ANXA7: variants seen among roughly 807,000 people sequenced by gnomAD.
ANXA7 encodes annexin A7.
ANXA7 carries 55 observed loss-of-function variants against 64.9 expected under a neutral mutation model. That is an observed-to-expected ratio of 0.85 (90% confidence interval 0.68 to 1.06). The LOEUF (loss-of-function observed/expected upper bound fraction) is 1.06, where lower values mean the gene tolerates loss of function less well. ANXA7 is among the 50% of genes least tolerant of loss of function. The pLI is 0.00. For missense variants in ANXA7, 548 were observed against 582.1 expected, an observed-to-expected ratio of 0.94 and a Z score of 0.60; for synonymous variants, 200 against 192.4, an observed-to-expected ratio of 1.04 and a Z score of -0.33.
intron 9 of ANXA7, 84 bp downstream of exon 9, chr10:73,383,091 A>T: frequency 7.8e-7 from 1 of 1,286,200 alleles, no homozygotes; most frequent in Non-Finnish European, 1.1e-6. Context: ...GCTAAATATT[A>T]AAAGGAATAA....
At chr10:73,393,035 A>G (rs1379519177) in intron 5 of ANXA7, among the ~76,000 whole-genome samples, 2 of 152,216 alleles carry the variant, frequency 1.3e-5, no homozygotes, top group Admixed American at 6.5e-5. Flanking sequence ...TGCAAAAATC[A>G]CAAGCATTCC....
intron 5 of ANXA7, among the ~76,000 whole-genome samples, chr10:73,390,996 C>T (rs1332584105): frequency 6.7e-6 from 1 of 149,854 alleles, no homozygotes; most frequent in Non-Finnish European, 1.5e-5. Context: ...ATGGTGAAAC[C>T]CTGTCTCTAC....
intron 1 of ANXA7, among the ~76,000 whole-genome samples, chr10:73,405,296 C>T (rs2055737683): frequency 6.7e-6 from 1 of 149,470 alleles, no homozygotes; most frequent in African/African-American, 2.5e-5. Flanking sequence ...ACACCCAGCA[C>T]TTTGGGAGGC....
At position 73,398,297 on chromosome 10, in the gene ANXA7, T is replaced by C; in HGVS notation, c.143A>G (p.Gln48Arg). 6.2e-7 allele frequency: 1 copy of C among 1,614,108 alleles called. No individual in the cohort carries two copies. Among genetic ancestry groups the C allele is most frequent in the Non-Finnish European group, 8.5e-7 (1 of 1,180,004 alleles). ...TCCTGGGTAGCCACTACTTGGCACT[T>C]GTGGGTAGGCACCTCCTCCCATTGG... ...FPPMGGGAYPQVPSSGYPGAG... is the reference protein window; with the variant it reads ...FPPMGGGAYPRVPSSGYPGAG... The change falls in exon 3 of 13, where the codon CAA (glutamine) becomes CGA (arginine). Residue 48 changes from glutamine (Q) to arginine (R), a missense_variant. Gln to Arg is a conservative substitution (Grantham distance 43). Transcript: ENST00000372921.
chr10:73,383,566 T>A lies in ANXA7; in HGVS notation c.747+11A>T. On this transcript the variant is annotated intron_variant, in intron 8 of 12. Transcript: ENST00000372921. ...GACAAAATATTCATAATAAATGACA[T>A]ATAGTAGTACCTGCATTGCTTTCCG... 4 of 1,569,994 alleles carry A rather than the reference T, an allele frequency of 2.5e-6. No individual in the cohort carries two copies. The highest frequency in any genetic ancestry group is 3.5e-6 in the Non-Finnish European group (4 of 1,140,496).
Position 73,383,212 on chromosome 10 carries a change from G to A in ANXA7, c.881C>T (p.Ser294Leu), listed in dbSNP as rs2055302825. Residue 294 changes from serine to leucine, a missense_variant, in exon 9 of 13, where the codon TCA (serine) becomes TTA (leucine). Physicochemically the swap from Ser to Leu is moderately radical, Grantham distance 145. Coordinates refer to ENST00000372921, the MANE Select transcript of ANXA7 (RefSeq NM_001156.5). ...CACAAGTAAACGTTCAAAATGTCCT[G>A]ATGTATCTGACCTAATGTCCTTTTC... ...DLEKDIRSDT[S>L]GHFERLLVSM... 6.2e-7 allele frequency: 1 copy of A among 1,614,012 alleles called. No homozygotes were observed. The highest frequency in any genetic ancestry group is 8.5e-7 in the Non-Finnish European group (1 of 1,179,950).
At chr10:73,394,201 T>A (rs1347678913) in intron 5 of ANXA7, among the ~76,000 whole-genome samples, 1 of 152,192 alleles carries the variant, frequency 6.6e-6, no homozygotes, top group African/African-American at 2.4e-5. Context: ...CATTAAAAAG[T>A]CAGCAAACAA....
At chr10:73,399,081 C>T (rs1435807319) in intron 2 of ANXA7, among the ~76,000 whole-genome samples, 1 of 152,126 alleles carries the variant, frequency 6.6e-6, no homozygotes, top group Non-Finnish European at 1.5e-5. Context: ...ATCCTCCATG[C>T]TCTCTCTCTT....
intron 1 of ANXA7, 117 bp from the exon 2 acceptor site, chr10:73,400,974 T>C (rs1382347166): frequency 5.5e-6 from 4 of 725,848 alleles, no homozygotes; most frequent in Non-Finnish European, 8.3e-6. Context: ...TGGCGTGATT[T>C]TGGCTCACTG....
At chr10:73,401,842 G>A (rs2132691585) in intron 1 of ANXA7, among the ~76,000 whole-genome samples, 1 of 152,276 alleles carries the variant, frequency 6.6e-6, no homozygotes, top group East Asian at 1.9e-4. Flanking sequence ...CTCACCAGAT[G>A]CCAGCACCTT....
chr10:73,412,070 C>T (rs531309356), intron 1 of ANXA7, among the ~76,000 whole-genome samples: 10 of 152,010 alleles, frequency 6.6e-5, no homozygotes, highest in Non-Finnish European at 1.3e-4. Flanking sequence ...TGGAGTCTCG[C>T]TCTGTTGCCA....
At chr10:73,393,994 A>C (rs1436944018) in intron 5 of ANXA7, among the ~76,000 whole-genome samples, 1 of 152,232 alleles carries the variant, frequency 6.6e-6, no homozygotes, top group Non-Finnish European at 1.5e-5. Context: ...ATCTACAAAG[A>C]ACTTAAACAA....
Position 73,383,685 on chromosome 10 carries a change from T to G in ANXA7, c.639A>C (p.Leu213Phe), listed in dbSNP as rs758689567. The G allele has an allele frequency of 6.3e-7, 1 of 1,598,970 alleles. No individual in the cohort carries two copies. The highest frequency in any genetic ancestry group is 1.7e-5 in the Admixed American group (1 of 59,938). ...TTAACTCTGATTTGAGATCTTTGAT[T>G]AAATCCTATTTAATCACAAATACAA... is the stretch of plus-strand genomic sequence containing the variant. Reference protein sequence around the residue: ...AAFKTSYGKDLIKDLKSELSG... With the variant: ...AAFKTSYGKDFIKDLKSELSG... Residue 213 changes from leucine to phenylalanine, a missense_variant, in exon 8 of 13, where the codon TTA becomes TTC. Physicochemically the swap from Leu to Phe is conservative, Grantham distance 22. Coordinates refer to ENST00000372921, the MANE Select transcript of ANXA7 (RefSeq NM_001156.5).
chr10:73,412,795 C>CTTTT (rs55814659), intron 1 of ANXA7, among the ~76,000 whole-genome samples: 1 of 131,626 alleles, frequency 7.6e-6, no homozygotes, highest in Admixed American at 7.7e-5. Context: ...CGCGCTCGGG[C>CTTTT]TTTTTTTTTT....
At chr10:73,387,662 T>C in intron 7 of ANXA7, 27 bp downstream of exon 7, 17 of 1,546,366 alleles carry the variant, frequency 1.1e-5, no homozygotes, top group Non-Finnish European at 1.5e-5. Context: ...CCACTGCTGG[T>C]GCTCATTCCA....
At chr10:73,382,256 A>T (rs889314143) in intron 9 of ANXA7, among the ~76,000 whole-genome samples, 7 of 152,320 alleles carry the variant, frequency 4.6e-5, no homozygotes, top group Admixed American at 4.6e-4. Flanking sequence ...AATAGGCAAT[A>T]ACTCTTGATA....
At chr10:73,383,108 C>A in intron 9 of ANXA7, 67 bp downstream of exon 9, 1 of 1,418,300 alleles carries the variant, frequency 7.1e-7, no homozygotes, top group South Asian at 1.5e-5. Flanking sequence ...ATAAAGAATG[C>A]TCACTGGCAA....
intron 1 of ANXA7, among the ~76,000 whole-genome samples, chr10:73,410,437 A>T (rs2055820874): frequency 6.6e-6 from 1 of 152,208 alleles, no homozygotes; most frequent in African/African-American, 2.4e-5. Flanking sequence ...GGAAATGCAA[A>T]TTAACCACAA....
At chr10:73,407,189 C>A (rs1403592189) in intron 1 of ANXA7, among the ~76,000 whole-genome samples, 1 of 152,130 alleles carries the variant, frequency 6.6e-6, no homozygotes, top group Non-Finnish European at 1.5e-5. Context: ...CGATTCTCCT[C>A]CTTTAGCATT....
Sources: gnomAD v4.1 joint callset for allele counts (sites outside exome capture counted in the v4.1 genomes callset) on GRCh38, gnomAD v4.1.1 for gene constraint, MANE v1.5 for transcripts, NCBI Gene and HGNC (gene_info 2026-07-23, HGNC 2026-07-21) for gene names.